The following GALNT17 variants were observed in gnomAD, a reference collection of about 807,000 sequenced individuals.
GALNT17 encodes polypeptide N-acetylgalactosaminyltransferase 17.
Under a neutral mutation model 63.7 loss-of-function variants are expected in GALNT17, and 29 were observed. The observed-to-expected ratio is 0.46, with a 90% CI of 0.34 to 0.62. The LOEUF is 0.62. GALNT17 is among the 20% of genes least tolerant of loss of function. The pLI is 0.01. For missense variants in GALNT17, 603 were observed against 799.6 expected, an observed-to-expected ratio of 0.75 and a Z score of 2.97; for synonymous variants, 305 against 318.3, an observed-to-expected ratio of 0.96 and a Z score of 0.45.
intron 2 of GALNT17, among the ~76,000 whole-genome samples, chr7:71,387,749 A>AG (rs1226533898): frequency 6.6e-6 from 1 of 152,138 alleles, no homozygotes; most frequent in Non-Finnish European, 1.5e-5. Context: ...CCTGAAGCTC[A>AG]GGGCACAGGT....
intron 5 of GALNT17, among the ~76,000 whole-genome samples, chr7:71,530,176 G>A (rs1036210685): frequency 6.6e-6 from 1 of 152,140 alleles, no homozygotes; most frequent in South Asian, 2.1e-4. Context: ...GGCAAGTCCT[G>A]GGTCCCTGCT....
At chr7:71,623,526 T>C (rs535266631) in intron 6 of GALNT17, among the ~76,000 whole-genome samples, 3 of 152,162 alleles carry the variant, frequency 2.0e-5, no homozygotes, top group African/African-American at 7.2e-5. Flanking sequence ...CAAGTGATTC[T>C]CCTGCCTCAG....
intron 9 of GALNT17, among the ~76,000 whole-genome samples, chr7:71,679,808 C>A (rs1015153736): frequency 2.6e-5 from 4 of 151,954 alleles, no homozygotes; most frequent in African/African-American, 4.8e-5. Context: ...TGGGCCCCAT[C>A]CCCAGAGTTT....
At position 71,339,892 on chromosome 7, in the gene GALNT17, G is replaced by A. The variant is rs551018244; in HGVS notation, c.422+4159G>A. ...TTCCTGAAACCCTATTAAAATGATA[G>A]CAAAGGAATAGAGAGAATGGCAACT... On this transcript the variant is annotated intron_variant, in intron 2 of 10. Coordinates refer to ENST00000333538, the MANE Select transcript of GALNT17 (RefSeq NM_022479.3). Among the ~76,000 whole-genome samples, 61 of 152,130 alleles carry A rather than the reference G, an allele frequency of 4.0e-4. 3 individuals are homozygous for A. In the South Asian group the frequency reaches 0.012, roughly 31 times the overall value.
intron 5 of GALNT17, among the ~76,000 whole-genome samples, chr7:71,430,600 A>C (rs1027492849): frequency 1.3e-5 from 2 of 152,208 alleles, no homozygotes; most frequent in African/African-American, 4.8e-5. Flanking sequence ...TGAATAACTA[A>C]TTAAAGGCAA....
At chr7:71,143,972 C>T (rs1476373647) in intron 1 of GALNT17, among the ~76,000 whole-genome samples, 1 of 152,126 alleles carries the variant, frequency 6.6e-6, no homozygotes, top group Admixed American at 6.5e-5. Context: ...ACTCAGCCCA[C>T]CCTCTGAACC....
At chr7:71,254,554 T>C (rs1790256309) in intron 1 of GALNT17, among the ~76,000 whole-genome samples, 1 of 152,156 alleles carries the variant, frequency 6.6e-6, no homozygotes, top group South Asian at 2.1e-4. Flanking sequence ...CAGATCTCTG[T>C]TTTACTTTTA....
At chr7:71,345,568 G>T (rs542117927) in intron 2 of GALNT17, among the ~76,000 whole-genome samples, 64 of 152,282 alleles carry the variant, frequency 4.2e-4, no homozygotes, top group Middle Eastern at 3.4e-3. Context: ...GTGAACAGAG[G>T]CATGTTGTGG....
chr7:71,234,554 G>A (rs967433492), intron 1 of GALNT17, among the ~76,000 whole-genome samples: 4 of 152,100 alleles, frequency 2.6e-5, no homozygotes, highest in East Asian at 1.9e-4. Flanking sequence ...GTGAGCCACC[G>A]CTCCCGACCC....
At chr7:71,272,641 C>T (rs959954161) in intron 1 of GALNT17, among the ~76,000 whole-genome samples, 1 of 152,192 alleles carries the variant, frequency 6.6e-6, no homozygotes, top group African/African-American at 2.4e-5. Context: ...CTTCAACCTG[C>T]GCTTCAGACA....
intron 1 of GALNT17, among the ~76,000 whole-genome samples, chr7:71,232,517 G>A (rs1030329213): frequency 6.6e-6 from 1 of 152,136 alleles, no homozygotes; most frequent in Non-Finnish European, 1.5e-5. Flanking sequence ...ATAAGTGATT[G>A]GAAGTGATGC....
intron 2 of GALNT17, among the ~76,000 whole-genome samples, chr7:71,356,643 A>C (rs1457196071): frequency 6.6e-6 from 1 of 152,180 alleles, no homozygotes; most frequent in Non-Finnish European, 1.5e-5. Context: ...CACTACCATG[A>C]GGATAGCTCC....
At chr7:71,377,100 ATAAAAAT>A (rs201026088) in intron 2 of GALNT17, among the ~76,000 whole-genome samples, 8,360 of 67,018 alleles carry the variant, frequency 0.12, 1,434 homozygotes, top group Middle Eastern at 0.25. Context: ...AAAAAAAAAA[ATAAAAAT>A]AAAAAAAATA....
chr7:71,636,528 C>T (rs552897291), intron 6 of GALNT17, among the ~76,000 whole-genome samples: 2 of 152,260 alleles, frequency 1.3e-5, no homozygotes, highest in East Asian at 1.9e-4. Flanking sequence ...GGGTGGTTTC[C>T]GTTTGCTCCA....
chr7:71,356,052 A>G (rs960094858), intron 2 of GALNT17, among the ~76,000 whole-genome samples: 2 of 151,780 alleles, frequency 1.3e-5, no homozygotes, highest in African/African-American at 4.8e-5. Flanking sequence ...ATCTCGGCTG[A>G]CTGCAACCTC....
chr7:71,321,870 CCTTCCTT>C (rs1791613675), intron 1 of GALNT17, among the ~76,000 whole-genome samples: 2 of 42,884 alleles, frequency 4.7e-5, no homozygotes, highest in African/African-American at 2.1e-4. Context: ...TCCTTCCTTT[CCTTCCTT>C]CCTTCCTTCC....
rs894989473 is a variant in GALNT17 at position 71,553,282 on chromosome 7, G to A, written c.963-18003G>A. 5.9e-5 allele frequency among the ~76,000 whole-genome samples: 9 copies of A among 151,690 alleles called. No homozygotes were observed. The South Asian group carries it at 6.2e-4, about 11-fold the overall frequency. ...GTTGAGACTACAGTAGGCTATGTTCGCACCACCTCCCTCCAGCCTGGGGGA... is the reference window on the plus strand; with the variant it reads ...GTTGAGACTACAGTAGGCTATGTTCACACCACCTCCCTCCAGCCTGGGGGA... On this transcript the variant is annotated intron_variant, in intron 5 of 10. Coordinates refer to ENST00000333538, the MANE Select transcript of GALNT17 (RefSeq NM_022479.3).
At chr7:71,665,867 C>G (rs1038979820) in intron 7 of GALNT17, among the ~76,000 whole-genome samples, 3 of 152,042 alleles carry the variant, frequency 2.0e-5, no homozygotes, top group African/African-American at 7.3e-5. Context: ...ATCTGGCTGC[C>G]CTGCTCCTGA....
intron 2 of GALNT17, among the ~76,000 whole-genome samples, chr7:71,387,654 G>C (rs965868066): frequency 1.3e-5 from 2 of 152,230 alleles, no homozygotes; most frequent in East Asian, 3.9e-4. Flanking sequence ...AGAGATTTAG[G>C]GGGTGGAGTA....
Sources: gnomAD v4.1 joint callset for allele counts (sites outside exome capture counted in the v4.1 genomes callset) on GRCh38, gnomAD v4.1.1 for gene constraint, MANE v1.5 for transcripts, NCBI Gene and HGNC (gene_info 2026-07-23, HGNC 2026-07-21) for gene names.